The following NADK2 variants were observed in gnomAD, a reference collection of about 807,000 sequenced individuals.
The protein encoded by NADK2 is NAD kinase 2, mitochondrial, also known as NAD kinase domain-containing protein 1, mitochondrial.
NADK2 carries 35 observed loss-of-function variants against 62.1 expected under a neutral mutation model. That is an observed-to-expected ratio of 0.56 (90% CI 0.43 to 0.75). NADK2 has a LOEUF of 0.75. Among genes scored for constraint, NADK2 ranks in the 30% least tolerant of loss-of-function variants. The pLI is 0.00. For synonymous variants in NADK2, 205 were observed against 207.9 expected (o/e 0.99, Z 0.12); for missense variants, 439 against 561.3 (o/e 0.78, Z 2.20).
At chr5:36,212,000 C>G in intron 6 of NADK2, 78 bp from the exon 7 acceptor site, 1 of 1,049,718 alleles carries the variant, frequency 9.5e-7, no homozygotes, top group Non-Finnish European at 1.4e-6. Flanking sequence ...TTATAAAACA[C>G]TACAACTTTT....
Position 36,239,676 on chromosome 5 carries a change from CCTAA to C in NADK2, c.300+1819_300+1822del, listed in dbSNP as rs149094154. The stretch of plus-strand genomic sequence containing the variant: ...CTAGTTCAGAGGTCCAAGAGTTAAT[CCTAA>C]CTGAGATGCCACCCATTTTCTTGAG... On this transcript the variant is annotated intron_variant, in intron 1 of 11. Transcript: ENST00000381937. Among the ~76,000 whole-genome samples the C allele has an allele frequency of 0.012, 1,839 of 152,244 alleles. 143 individuals carry two copies. In the East Asian group the frequency reaches 0.21, roughly 17 times the overall value.
chr5:36,236,867 C>CAAAAA (rs5867308), intron 1 of NADK2, among the ~76,000 whole-genome samples: 6 of 95,686 alleles, frequency 6.3e-5, no homozygotes, highest in African/African-American at 2.0e-4. Flanking sequence ...AGCTTAACCT[C>CAAAAA]AAAAAAAAAA....
chr5:36,234,941 T>C (rs1579640379), intron 1 of NADK2, among the ~76,000 whole-genome samples: 1 of 152,186 alleles, frequency 6.6e-6, no homozygotes, highest in Non-Finnish European at 1.5e-5. Context: ...ATATTTATAA[T>C]ATAATGTAAT....
At chr5:36,235,738 T>C (rs1046132684) in intron 1 of NADK2, among the ~76,000 whole-genome samples, 1 of 152,110 alleles carries the variant, frequency 6.6e-6, no homozygotes, top group Non-Finnish European at 1.5e-5. Context: ...ACTCAACAAC[T>C]ATTCTGTTCT....
intron 6 of NADK2, among the ~76,000 whole-genome samples, chr5:36,214,773 A>C (rs1300661304): frequency 6.6e-6 from 1 of 152,182 alleles, no homozygotes; most frequent in Non-Finnish European, 1.5e-5. Context: ...CAGAAGACTC[A>C]GAGGCCTTAA....
intron 1 of NADK2, among the ~76,000 whole-genome samples, chr5:36,228,571 C>T (rs1200999885): frequency 6.6e-6 from 1 of 151,824 alleles, no homozygotes; most frequent in Admixed American, 6.6e-5. Context: ...CAGCTTATAC[C>T]TTTCCTCTTT....
Position 36,193,183 on chromosome 5 carries a change from A to G in NADK2, c.*1961T>C, listed in dbSNP as rs1253932527. 1 of 152,176 alleles carries G rather than the reference A, an allele frequency of 6.6e-6. No individual in the cohort carries two copies. Among genetic ancestry groups the G allele is most frequent in the African/African-American group, 2.4e-5 (1 of 41,438 alleles). 9.4% of individuals were successfully genotyped at this position (152,176 alleles called of 1,614,324 possible). A position where few individuals can be genotyped will look rare whatever the true frequency, so the allele number is the denominator to read the frequency against. On this transcript the variant is annotated 3_prime_UTR_variant, in exon 12 of 12. Coordinates refer to ENST00000381937, the MANE Select transcript of NADK2 (RefSeq NM_001085411.3). ...GGATGGAGTTGGCATTTTTCCTTTA[A>G]GAAGGCATTTTAAGGCCGGGCATGG... is the stretch of plus-strand genomic sequence containing the variant.
intron 6 of NADK2, among the ~76,000 whole-genome samples, chr5:36,213,641 T>C (rs1746938280): frequency 4.5e-5 from 1 of 22,298 alleles, no homozygotes; most frequent in African/African-American, 7.8e-5. Context: ...ATGGATTTGA[T>C]ATGTTTAATC....
intron 10 of NADK2, among the ~76,000 whole-genome samples, chr5:36,199,533 C>T (rs762984908): frequency 6.6e-6 from 1 of 152,048 alleles, no homozygotes; most frequent in Non-Finnish European, 1.5e-5. Context: ...TAGTAGACTT[C>T]AGTGTGTTAC....
rs984359755 is a variant in NADK2, at chr5:36,241,083, C to G, written c.300+416G>C. 6.6e-6 allele frequency among the ~76,000 whole-genome samples: 1 copy of G among 152,144 alleles called. No homozygotes were observed. Among genetic ancestry groups the G allele is most frequent in the African/African-American group, 2.4e-5 (1 of 41,434 alleles). ...CCCTTTCTCGCGGCGGCCAGGGGAG[C>G]TGTTCGCAGGGCGTCCAGACCTCAG... On this transcript the variant is annotated intron_variant, in intron 1 of 11. Transcript: ENST00000381937. The surrounding 1 kb of genome is among the most constrained non-coding windows in gnomAD (Gnocchi z 4.9).
intron 1 of NADK2, among the ~76,000 whole-genome samples, chr5:36,228,383 CT>C (rs1747565119): frequency 1.3e-5 from 2 of 152,092 alleles, no homozygotes; most frequent in African/African-American, 4.8e-5. Flanking sequence ...GTTATTTGTA[CT>C]TTCTTTGCTC....
rs186366449 is a variant in NADK2, at chr5:36,200,066, C to T, written c.1066+161G>A. On this transcript the variant is annotated intron_variant, in intron 10 of 11. Transcript: ENST00000381937. ...ACTAAAAATCACAACAAAAGTCCAA[C>T]TTTAATCTTTATGTTGCTTAAAGAC... is the stretch of plus-strand genomic sequence containing the variant. Among the ~76,000 whole-genome samples the T allele has an allele frequency of 5.9e-5, 9 of 152,050 alleles. No homozygotes were observed. In the East Asian group the frequency reaches 1.7e-3, roughly 29 times the overall value.
chr5:36,208,673 G>C (rs1479426540), intron 7 of NADK2: 3 of 1,532,902 alleles, frequency 2.0e-6, no homozygotes, highest in Middle Eastern at 1.7e-4. Flanking sequence ...CACTGCTACA[G>C]CCCAAGAATA....
Position 36,192,938 on chromosome 5 carries a change from T to TCAAA in NADK2, c.*2202_*2205dup, listed in dbSNP as rs968355679. On this transcript the variant is annotated 3_prime_UTR_variant, in exon 12 of 12. Transcript: ENST00000381937. The stretch of plus-strand genomic sequence containing the variant: ...GGTTGCGATTAAAAGGTTAACTCAT[T>TCAAA]CAAACACATTTTTGCTATGCTAACA... The TCAAA allele has an allele frequency of 1.4e-5, 2 of 141,322 alleles. No individual in the cohort carries two copies. Among genetic ancestry groups the TCAAA allele is most frequent in the African/African-American group, 4.9e-5 (2 of 40,634 alleles). The allele number at this position is 141,322 out of a possible 1,614,324, so 8.8% of individuals were successfully genotyped here.
At chr5:36,210,975 A>G (rs1036071843) in intron 7 of NADK2, among the ~76,000 whole-genome samples, 1 of 152,188 alleles carries the variant, frequency 6.6e-6, no homozygotes, top group Non-Finnish European at 1.5e-5. Context: ...CAACATTTAG[A>G]CATGGTAAGA....
intron 10 of NADK2, 38 bp downstream of exon 10, chr5:36,200,189 A>C (rs1561055219): frequency 6.8e-7 from 1 of 1,477,638 alleles, no homozygotes; most frequent in Non-Finnish European, 9.2e-7. Flanking sequence ...ACTGAAACAG[A>C]ACTAAACTGT....
chr5:36,220,767 A>G (rs1476276422), intron 4 of NADK2, among the ~76,000 whole-genome samples: 1 of 152,222 alleles, frequency 6.6e-6, no homozygotes, highest in African/African-American at 2.4e-5. Context: ...GATATCAGCT[A>G]GGGCGGCAGG....
At chr5:36,216,192 C>T (rs1482206616) in intron 6 of NADK2, among the ~76,000 whole-genome samples, 5 of 151,972 alleles carry the variant, frequency 3.3e-5, no homozygotes, top group South Asian at 2.1e-4. Context: ...TGATTAGTGA[C>T]GTTGAGCATT....
chr5:36,195,399 T>C (rs1746193998), intron 11 of NADK2, 117 bp from the exon 12 acceptor site: 1 of 1,086,224 alleles, frequency 9.2e-7, no homozygotes, highest in Admixed American at 3.2e-5. Context: ...AGTTGTTCTC[T>C]GGTATGAGAA....
Sources: allele counts gnomAD v4.1 joint callset (sites outside exome capture counted in the v4.1 genomes callset), GRCh38; gene constraint gnomAD v4.1.1; non-coding constraint Gnocchi (gnomAD v3.1); transcripts MANE v1.5; gene names NCBI Gene and HGNC (gene_info 2026-07-23, HGNC 2026-07-21).